The following BMPR1B variants were observed in gnomAD, a reference collection of about 807,000 sequenced individuals.
The protein encoded by BMPR1B is bone morphogenetic protein receptor type-1B.
A neutral mutation model predicts 59.1 loss-of-function variants in BMPR1B; 12 were observed. The ratio of observed to expected loss-of-function variants is 0.20; its 90% CI spans 0.13 to 0.33. BMPR1B has a LOEUF of 0.33. Ranked by LOEUF, BMPR1B falls within the 10% of genes least tolerant of loss-of-function variation. The probability of loss-of-function intolerance (pLI) is 1.00; values close to 1 mark genes in which losing one functional copy is unlikely to be tolerated. For synonymous variants in BMPR1B, 237 were observed against 207.3 expected (o/e 1.14, Z -1.23); for missense variants, 550 against 610.9 (o/e 0.90, Z 1.05).
intron 2 of BMPR1B, among the ~76,000 whole-genome samples, chr4:94,995,121 G>C (rs1198528878): frequency 6.6e-6 from 1 of 152,158 alleles, no homozygotes; most frequent in Non-Finnish European, 1.5e-5. Context: ...GGACCTTATA[G>C]GTGGTATATG....
rs78654684 is a variant in BMPR1B at position 95,060,474 on chromosome 4, A to G, written c.-17-43934A>G. On this transcript the variant is annotated intron_variant, in intron 3 of 12. Transcript: ENST00000515059. The stretch of plus-strand genomic sequence containing the variant: ...TAGCACTACACAAATATTGTCCCCA[A>G]TGATGAAGAAGGGATAAGGAATCTT... Among the ~76,000 whole-genome samples the G allele has an allele frequency of 3.0e-4, 46 of 152,322 alleles. No homozygotes were observed. In the East Asian group the frequency reaches 6.8e-3, roughly 22 times the overall value.
chr4:94,971,444 A>G (rs1168317805), intron 2 of BMPR1B, among the ~76,000 whole-genome samples: 1 of 152,124 alleles, frequency 6.6e-6, no homozygotes, highest in African/African-American at 2.4e-5. Context: ...TTGTAGTGCT[A>G]AGTTTCATAT....
At chr4:95,022,852 T>C (rs575312619) in intron 3 of BMPR1B, among the ~76,000 whole-genome samples, 2 of 152,262 alleles carry the variant, frequency 1.3e-5, no homozygotes, top group African/African-American at 4.8e-5. Context: ...TAATATAAAA[T>C]ATATTTTCCT....
chr4:94,787,526 G>A (rs4431232), intron 1 of BMPR1B, among the ~76,000 whole-genome samples: 3 of 151,974 alleles, frequency 2.0e-5, no homozygotes, highest in South Asian at 2.1e-4. Context: ...GCTAAGTTTC[G>A]CCAGTTTATT....
chr4:94,764,097 C>G (rs1464254872), intron 1 of BMPR1B, among the ~76,000 whole-genome samples: 2 of 152,042 alleles, frequency 1.3e-5, no homozygotes, highest in Admixed American at 6.6e-5. Context: ...TTCTGTTTTG[C>G]CCCATTTTGC....
intron 2 of BMPR1B, among the ~76,000 whole-genome samples, chr4:94,882,982 G>GTGTGTA (rs1727038966): frequency 6.6e-6 from 1 of 150,702 alleles, no homozygotes; most frequent in African/African-American, 2.4e-5. Context: ...GTGTGTATGT[G>GTGTGTA]TGTGTGTGTG....
chr4:94,922,834 C>A (rs1012323102), intron 2 of BMPR1B, among the ~76,000 whole-genome samples: 9 of 151,908 alleles, frequency 5.9e-5, no homozygotes, highest in Non-Finnish European at 1.0e-4. Flanking sequence ...ACCTTTACAC[C>A]CTCTATAAGG....
chr4:94,767,539 A>G (rs969390544), intron 1 of BMPR1B, among the ~76,000 whole-genome samples: 2 of 152,180 alleles, frequency 1.3e-5, no homozygotes, highest in African/African-American at 4.8e-5. Flanking sequence ...CTGCATCTCA[A>G]GATTAAATCA....
intron 2 of BMPR1B, among the ~76,000 whole-genome samples, chr4:94,950,244 C>A (rs1297403082): frequency 6.6e-6 from 1 of 152,054 alleles, no homozygotes. Context: ...GTTGCCTGTT[C>A]ACTCTGATGA....
intron 3 of BMPR1B, among the ~76,000 whole-genome samples, chr4:95,039,991 A>G (rs1725536724): frequency 6.6e-6 from 1 of 152,184 alleles, no homozygotes; most frequent in Admixed American, 6.5e-5. Context: ...TAACTTCCTG[A>G]AACCTTTATA....
At chr4:95,042,473 G>T (rs1725729027) in intron 3 of BMPR1B, among the ~76,000 whole-genome samples, 1 of 152,072 alleles carries the variant, frequency 6.6e-6, no homozygotes, top group Non-Finnish European at 1.5e-5. Flanking sequence ...TGTCTATAAG[G>T]TGCATGTGAA....
At chr4:94,952,007 T>C (rs1360217429) in intron 2 of BMPR1B, among the ~76,000 whole-genome samples, 2 of 152,172 alleles carry the variant, frequency 1.3e-5, no homozygotes, top group Non-Finnish European at 2.9e-5. Flanking sequence ...TGTCTAGGAA[T>C]GTATCCATTT....
chr4:94,991,120 C>T (rs759366232), intron 2 of BMPR1B, among the ~76,000 whole-genome samples: 4 of 152,114 alleles, frequency 2.6e-5, no homozygotes, highest in Non-Finnish European at 5.9e-5. Flanking sequence ...CCATGACATT[C>T]GACATTGTTG....
intron 1 of BMPR1B, among the ~76,000 whole-genome samples, chr4:94,847,714 C>T (rs976245202): frequency 4.6e-5 from 7 of 151,804 alleles, no homozygotes; most frequent in Non-Finnish European, 7.4e-5. Flanking sequence ...TGTTCTTGTT[C>T]ATTTGTGGGA....
intron 2 of BMPR1B, among the ~76,000 whole-genome samples, chr4:94,982,655 C>A (rs1030752063): frequency 6.6e-6 from 1 of 152,178 alleles, no homozygotes; most frequent in Non-Finnish European, 1.5e-5. Context: ...CTTTTGGCCA[C>A]CATCTCCTTA....
chr4:95,126,662 A>G (rs1732927248), intron 8 of BMPR1B, among the ~76,000 whole-genome samples: 1 of 152,186 alleles, frequency 6.6e-6, no homozygotes, highest in Admixed American at 6.5e-5. Flanking sequence ...TTGGTTAAAT[A>G]AAACAAGAAA....
chr4:94,987,047 A>G, intron 2 of BMPR1B, among the ~76,000 whole-genome samples: 1 of 24,954 alleles, frequency 4.0e-5, no homozygotes, highest in African/African-American at 1.1e-4. Context: ...TCTCAAAAAA[A>G]ATATATATAT....
chr4:94,878,677 G>A (rs1287263594), intron 2 of BMPR1B, among the ~76,000 whole-genome samples: 1 of 151,194 alleles, frequency 6.6e-6, no homozygotes, highest in Non-Finnish European at 1.5e-5. Context: ...ATAGGGCCTA[G>A]TGCAGAAGCT....
intron 2 of BMPR1B, among the ~76,000 whole-genome samples, chr4:94,982,084 A>G (rs1721114454): frequency 6.6e-6 from 1 of 152,210 alleles, no homozygotes; most frequent in Non-Finnish European, 1.5e-5. Context: ...TTACCCACAA[A>G]TTATAAGCAA....
Sources: allele counts gnomAD v4.1 joint callset (sites outside exome capture counted in the v4.1 genomes callset), GRCh38; gene constraint gnomAD v4.1.1; transcripts MANE v1.5; gene names NCBI Gene and HGNC (gene_info 2026-07-23, HGNC 2026-07-21).